Variants in CMIP observed in about 807,000 individuals in gnomAD.
CMIP encodes the protein c-Maf inducing protein.
A neutral mutation model predicts 97.3 loss-of-function variants in CMIP; 13 were observed. The ratio of observed to expected loss-of-function variants is 0.13; its 90% CI spans 0.09 to 0.21. The LOEUF (loss-of-function observed/expected upper bound fraction) is 0.21. Ranked by LOEUF, CMIP falls within the 10% of genes least tolerant of loss-of-function variation. CMIP has a pLI of 1.00. For synonymous variants in CMIP, 538 were observed against 436.3 expected, an observed-to-expected ratio of 1.23 and a Z score of -2.91; for missense variants, 847 against 1,024.9, an observed-to-expected ratio of 0.83 and a Z score of 2.37.
intron 1 of CMIP, among the ~76,000 whole-genome samples, chr16:81,558,187 C>T (rs2090805376): frequency 2.0e-5 from 3 of 152,190 alleles, no homozygotes; most frequent in Admixed American, 1.3e-4. Flanking sequence ...TCCATCCGTC[C>T]GTCCATCAGA....
At chr16:81,629,524 C>T (rs150778114) in intron 3 of CMIP, among the ~76,000 whole-genome samples, 149 of 152,338 alleles carry the variant, frequency 9.8e-4, no homozygotes, top group African/African-American at 3.4e-3. Context: ...TCCGTTTGCC[C>T]GTCTAACCCC....
chr16:81,655,100 C>G lies in CMIP; in HGVS notation c.640-2675C>G, dbSNP rs953813203. ...ACTTGCAAGGGCCTTTGATACATGG[C>G]CACATTTTCATTGTCATAGGAGATG... On this transcript the variant is annotated intron_variant, in intron 4 of 20. Transcript: ENST00000537098. This position sits in a 1 kb window ranked among gnomAD's most constrained non-coding sequence, Gnocchi z 4.9. Among the ~76,000 whole-genome samples the G allele has an allele frequency of 6.6e-5, 10 of 152,184 alleles. No individual in the cohort carries two copies. Among genetic ancestry groups the G allele is most frequent in the African/African-American group, 1.9e-4 (8 of 41,448 alleles).
At chr16:81,645,357 T>A (rs2092352406) in intron 3 of CMIP, 1 of 1,423,786 alleles carries the variant, frequency 7.0e-7, no homozygotes, top group African/African-American at 1.4e-5. Context: ...CGTGCTTGGG[T>A]GTGTACGCGC....
chr16:81,662,705 G>A (rs1168644697), intron 6 of CMIP, among the ~76,000 whole-genome samples: 1 of 152,204 alleles, frequency 6.6e-6, no homozygotes, highest in Non-Finnish European at 1.5e-5. Flanking sequence ...GGCCGGGTGG[G>A]TGATACATGT....
At chr16:81,518,031 T>C in intron 1 of CMIP, 1 of 394,124 alleles carries the variant, frequency 2.5e-6, no homozygotes, top group Non-Finnish European at 3.5e-6. Context: ...CCATGGTTAA[T>C]TGTGTGTGTG....
At chr16:81,589,818 C>T (rs988329767) in intron 1 of CMIP, among the ~76,000 whole-genome samples, 2 of 152,266 alleles carry the variant, frequency 1.3e-5, no homozygotes, top group African/African-American at 4.8e-5. Context: ...TTGTCATGGA[C>T]ATAGCGGGTA....
At chr16:81,536,900 G>A (rs2090352993) in intron 1 of CMIP, among the ~76,000 whole-genome samples, 1 of 152,150 alleles carries the variant, frequency 6.6e-6, no homozygotes, top group Admixed American at 6.5e-5. Context: ...ATACTGAGCA[G>A]TACCCCACCC....
At chr16:81,676,938 C>T (rs1430628127) in intron 9 of CMIP, among the ~76,000 whole-genome samples, 1 of 152,210 alleles carries the variant, frequency 6.6e-6, no homozygotes, top group Admixed American at 6.5e-5. Context: ...ACTAGACAAG[C>T]AGCTGTTTTC....
chr16:81,613,570 T>C (rs1386631807), intron 2 of CMIP, among the ~76,000 whole-genome samples: 1 of 152,214 alleles, frequency 6.6e-6, no homozygotes, highest in East Asian at 1.9e-4. Flanking sequence ...CCTTGCATAT[T>C]GTGAGGCTCG....
intron 4 of CMIP, among the ~76,000 whole-genome samples, chr16:81,656,244 CA>C (rs1300560768): frequency 6.6e-6 from 1 of 152,182 alleles, no homozygotes; most frequent in East Asian, 1.9e-4. Context: ...TGGGCAAAAG[CA>C]AATTCATAGC....
At chr16:81,546,952 C>A (rs1325144182) in intron 1 of CMIP, among the ~76,000 whole-genome samples, 4 of 152,164 alleles carry the variant, frequency 2.6e-5, no homozygotes, top group Non-Finnish European at 5.9e-5. Flanking sequence ...CCCTGCATCG[C>A]GAGAGCTCCC....
At chr16:81,513,648 C>A (rs1221673193) in intron 1 of CMIP, among the ~76,000 whole-genome samples, 1 of 152,210 alleles carries the variant, frequency 6.6e-6, no homozygotes, top group Non-Finnish European at 1.5e-5. Flanking sequence ...GCTGTGCAGA[C>A]CCGTGGGTCT....
At chr16:81,610,746 C>T (rs546592304) in intron 2 of CMIP, among the ~76,000 whole-genome samples, 42 of 152,068 alleles carry the variant, frequency 2.8e-4, no homozygotes, top group Non-Finnish European at 4.7e-4. Context: ...GAGGCTGGGG[C>T]GGGGTGCACT....
At chr16:81,589,536 C>T (rs574137792) in intron 1 of CMIP, among the ~76,000 whole-genome samples, 23 of 148,938 alleles carry the variant, frequency 1.5e-4, no homozygotes, top group South Asian at 1.3e-3. Context: ...AGGGCCAGGT[C>T]TCGCACCCCA....
intron 1 of CMIP, among the ~76,000 whole-genome samples, chr16:81,461,730 A>G (rs1906909256): frequency 1.3e-5 from 2 of 152,226 alleles, no homozygotes. Context: ...TGGGTTTGCA[A>G]AGCAGTGCCT....
intron 1 of CMIP, among the ~76,000 whole-genome samples, chr16:81,484,723 C>T (rs963694098): frequency 6.6e-6 from 1 of 152,128 alleles, no homozygotes; most frequent in African/African-American, 2.4e-5. Context: ...CAGTACTCGG[C>T]GTGCTCTGGA....
Position 81,693,476 on chromosome 16 carries a change from C to T in CMIP, c.1519C>T (p.Pro507Ser). 6.2e-7 allele frequency: 1 copy of T among 1,612,714 alleles called. No homozygotes were observed. Among genetic ancestry groups the T allele is most frequent in the Non-Finnish European group, 8.5e-7 (1 of 1,179,364 alleles). Residue 507 changes from proline to serine, a missense_variant, in exon 13 of 21, where the codon CCC becomes TCC. Transcript: ENST00000537098. The part of the protein sequence containing the change: ...KYVIQRFAED[P>S]RQEVHSCLLS... ...CGTGATTCAGAGGTTCGCCGAAGAC[C>T]CCAGGCAAGAGGTGAGGCCTTTGTT...
Position 81,610,528 on chromosome 16 carries a change from A to G in CMIP, c.426+2836A>G, listed in dbSNP as rs1029619094. 25 of 985,484 alleles carry G rather than the reference A, an allele frequency of 2.5e-5. No individual in the cohort carries two copies. The African/African-American group carries it at 4.2e-4, about 16-fold the overall frequency. The allele number at this position is 985,484 out of a possible 1,614,324, so 61.0% of individuals were successfully genotyped here. A position where few individuals can be genotyped will look rare whatever the true frequency, so the allele number is the denominator to read the frequency against. ...GACACGGCCTCCCAACCCTTCCCCC[A>G]AGGGGAACCCAGGTGGGTGCAGCCC... On this transcript the variant is annotated intron_variant, in intron 2 of 20. Transcript: ENST00000537098.
chr16:81,474,043 A>G (rs1365852137), intron 1 of CMIP, among the ~76,000 whole-genome samples: 2 of 151,998 alleles, frequency 1.3e-5, no homozygotes, highest in East Asian at 3.9e-4. Flanking sequence ...CCCATTCTAC[A>G]GCTAAAGAAG....
Sources: allele counts gnomAD v4.1 joint callset (sites outside exome capture counted in the v4.1 genomes callset), GRCh38; gene constraint gnomAD v4.1.1; non-coding constraint Gnocchi (gnomAD v3.1); transcripts MANE v1.5; gene names NCBI Gene and HGNC (gene_info 2026-07-23, HGNC 2026-07-21).